The following BIRC6 variants were observed in gnomAD, a reference collection of about 807,000 sequenced individuals.
BIRC6 encodes the protein dual E2 ubiquitin-conjugating enzyme/E3 ubiquitin-protein ligase BIRC6.
BIRC6 carries 98 observed loss-of-function variants against 503.3 expected under a neutral mutation model. The observed-to-expected ratio is 0.19, with a 90% confidence interval of 0.17 to 0.23. The LOEUF (loss-of-function observed/expected upper bound fraction) is 0.23, where lower values mean the gene tolerates loss of function less well. Among genes scored for constraint, BIRC6 ranks in the 10% least tolerant of loss-of-function variants. BIRC6 has a pLI of 1.00. For synonymous variants in BIRC6, 2,240 were observed against 2,078.7 expected (o/e 1.08, Z -2.11); for missense variants, 5,360 against 5,806.0 (o/e 0.92, Z 2.50).
chr2:32,540,301 T>C (rs780703780), intron 61 of BIRC6, among the ~76,000 whole-genome samples: 23 of 152,108 alleles, frequency 1.5e-4, no homozygotes, highest in Non-Finnish European at 2.2e-4. Context: ...TGCTGTGACA[T>C]ATAATGAGTA....
chr2:32,431,515 C>G (rs904008168), intron 12 of BIRC6, among the ~76,000 whole-genome samples: 1 of 151,958 alleles, frequency 6.6e-6, no homozygotes, highest in Admixed American at 6.6e-5. Context: ...TTTAAACTGT[C>G]TAAAAGATAT....
At chr2:32,459,767 C>T (rs114760645) in intron 23 of BIRC6, among the ~76,000 whole-genome samples, 2,940 of 151,550 alleles carry the variant, frequency 0.019, 85 homozygotes, top group African/African-American at 0.069. Context: ...TTGTGGTTTT[C>T]AACATAGTTT....
At chr2:32,584,317 G>A (rs2060884692) in intron 66 of BIRC6, among the ~76,000 whole-genome samples, 1 of 152,046 alleles carries the variant, frequency 6.6e-6, no homozygotes, top group Non-Finnish European at 1.5e-5. Flanking sequence ...ATTAACTGAG[G>A]TCATTAGTTC....
intron 32 of BIRC6, among the ~76,000 whole-genome samples, chr2:32,472,519 A>G (rs2049219065): frequency 6.6e-6 from 1 of 152,228 alleles, no homozygotes; most frequent in South Asian, 2.1e-4. Context: ...CTAAGATTTG[A>G]TAAGTAGGTA....
At chr2:32,463,721 A>C (rs1037235618) in intron 24 of BIRC6, among the ~76,000 whole-genome samples, 1 of 152,238 alleles carries the variant, frequency 6.6e-6, no homozygotes, top group African/African-American at 2.4e-5. Context: ...TAGAACAGTT[A>C]AATTTAATGT....
At position 32,499,927 on chromosome 2, in the gene BIRC6, C is replaced by G; in HGVS notation, c.8849C>G (p.Thr2950Arg). ...GCAAGAGTGTCTGTGACCACAAATA[C>G]AACAGATAGTGTTTCAGATGAAGAA... Reference protein sequence around the residue: ...YSARVSVTTNTTDSVSDEEKV... With the variant: ...YSARVSVTTNRTDSVSDEEKV... Residue 2950 changes from threonine to arginine, a missense_variant, in exon 46 of 74, where the codon ACA becomes AGA. Physicochemically the swap from Thr to Arg is moderately conservative, Grantham distance 71. Coordinates refer to ENST00000421745, the MANE Select transcript of BIRC6 (RefSeq NM_016252.4). 6.2e-7 allele frequency: 1 copy of G among 1,613,996 alleles called. No homozygotes were observed. The highest frequency in any genetic ancestry group is 8.5e-7 in the Non-Finnish European group (1 of 1,179,884).
chr2:32,357,233 C>A lies in BIRC6; in HGVS notation c.72C>A (p.Ser24Arg). Residue 24 changes from serine to arginine, a missense_variant, in exon 1 of 74, where the codon AGC becomes AGA. Ser to Arg is a moderately radical substitution (Grantham distance 110, BLOSUM62 -1). Around this residue, in one of 16 missense-constraint regions of BIRC6, gnomAD observed 145 missense variants for 106.9 expected, o/e 1.36. Coordinates refer to ENST00000421745, the MANE Select transcript of BIRC6 (RefSeq NM_016252.4). The surrounding 1 kb of genome is among the most constrained non-coding windows in gnomAD (Gnocchi z 4.9). ...CGCTTCCCAGTGTGATTGTGCTGAG[C>A]GCAGGCCGGAAGATGGCGGCTGCGG... Reference protein sequence around the residue: ...TEPLPSVIVLSAGRKMAAAAA... With the variant: ...TEPLPSVIVLRAGRKMAAAAA... The A allele has an allele frequency of 6.5e-7, 1 of 1,528,334 alleles. No homozygotes were observed. 94.7% of individuals were successfully genotyped at this position (1,528,334 alleles called of 1,614,324 possible). A position where few individuals can be genotyped will look rare whatever the true frequency, so the allele number is the denominator to read the frequency against.
Position 32,603,091 on chromosome 2 carries a change from A to G in BIRC6, c.14070+8A>G, listed in dbSNP as rs567289310. The G allele has an allele frequency of 3.7e-5, 59 of 1,604,550 alleles. 1 individual carries two copies. The South Asian group carries it at 6.1e-4, about 17-fold the overall frequency. On this transcript the variant is annotated splice_region_variant and intron_variant, in intron 71 of 73. Transcript: ENST00000421745. ...ACCTCAAGCTTTTTGCAAGTAAACA[A>G]AATTTCTCTGACATTTTCACTTAAG...
intron 65 of BIRC6, among the ~76,000 whole-genome samples, chr2:32,553,721 C>T (rs1048507071): frequency 2.0e-5 from 3 of 151,980 alleles, no homozygotes; most frequent in Admixed American, 6.5e-5. Context: ...TAAAAAAAAG[C>T]GTTTGGTGGC....
chr2:32,382,321 GA>G (rs1305505231), intron 3 of BIRC6, among the ~76,000 whole-genome samples: 1 of 152,196 alleles, frequency 6.6e-6, no homozygotes, highest in African/African-American at 2.4e-5. Flanking sequence ...ACCTCTGAGG[GA>G]ACTCTATGAA....
At chr2:32,594,815 G>A (rs1248851640) in intron 67 of BIRC6, among the ~76,000 whole-genome samples, 1 of 152,120 alleles carries the variant, frequency 6.6e-6, no homozygotes, top group Admixed American at 6.6e-5. Flanking sequence ...TCATAAAGAT[G>A]ATTATGTTTT....
At position 32,553,197 on chromosome 2, in the gene BIRC6, C is replaced by CAAAAAAAAAAAAAAAAAAA. The variant is rs763552918; in HGVS notation, c.13144+3735_13144+3753dup. On this transcript the variant is annotated intron_variant, in intron 65 of 73. Coordinates refer to ENST00000421745, the MANE Select transcript of BIRC6 (RefSeq NM_016252.4). Reference sequence around the variant, plus strand: ...GGGTGACAAGAGTGAAACTCTGTCTCAAAAAAAAAAAAAAAAAAAAAAAAA... The same window carrying CAAAAAAAAAAAAAAAAAAA: ...GGGTGACAAGAGTGAAACTCTGTCTCAAAAAAAAAAAAAAAAAAAAAAAAAAAAAAAAAAAAAAAAAAAA... Among the ~76,000 whole-genome samples, 12 of 34,950 alleles carry CAAAAAAAAAAAAAAAAAAA rather than the reference C, an allele frequency of 3.4e-4. 1 individual carries two copies. The highest frequency in any genetic ancestry group is 3.9e-4 in the Non-Finnish European group (8 of 20,582). 22.9% of individuals were successfully genotyped at this position (34,950 alleles called of 152,430 possible).
In BIRC6 at chr2:32,602,996, C is replaced by T. The variant is rs200244106; in HGVS notation, c.13993-10C>T. ...TTTTCAATTCTGTTTATGCTTTTTT[C>T]GTTCGTCAGGTTTGTTTAAGCATCT... On this transcript the variant is annotated splice_polypyrimidine_tract_variant and intron_variant, in intron 70 of 73. Coordinates refer to ENST00000421745, the MANE Select transcript of BIRC6 (RefSeq NM_016252.4). The T allele has an allele frequency of 3.6e-4, 576 of 1,594,800 alleles. 1 individual carries two copies. The highest frequency in any genetic ancestry group is 2.6e-4 in the Non-Finnish European group (305 of 1,173,662).
intron 65 of BIRC6, among the ~76,000 whole-genome samples, chr2:32,551,879 A>G (rs974059469): frequency 1.3e-5 from 2 of 152,182 alleles, no homozygotes; most frequent in African/African-American, 4.8e-5. Context: ...TTTATAGAAT[A>G]TTCTACAGAT....
chr2:32,473,146 C>A lies in BIRC6; in HGVS notation c.6627C>A (p.His2209Gln). The change falls in exon 33 of 74, where the codon CAC becomes CAA. Residue 2209 changes from histidine (H) to glutamine (Q), a missense_variant. Physicochemically the swap from His to Gln is conservative, Grantham distance 24. Coordinates refer to ENST00000421745, the MANE Select transcript of BIRC6 (RefSeq NM_016252.4). ...NQWSFINNNL[H>Q]TQSLNRSSKG... The stretch of plus-strand genomic sequence containing the variant: ...GGAGTTTTATTAACAATAATCTACA[C>A]ACTCAGAGCTTAAATAGATCTTCTA... 1.3e-6 allele frequency: 2 copies of A among 1,580,566 alleles called. No individual in the cohort carries two copies. Among genetic ancestry groups the A allele is most frequent in the Non-Finnish European group, 1.7e-6 (2 of 1,160,622 alleles).
At chr2:32,386,402 C>T (rs964344085) in intron 3 of BIRC6, among the ~76,000 whole-genome samples, 5 of 151,612 alleles carry the variant, frequency 3.3e-5, no homozygotes, top group Admixed American at 2.0e-4. Context: ...GTAAAGGGGA[C>T]GAGGTCATTT....
At chr2:32,358,035 G>A (rs1483326464) in intron 1 of BIRC6, among the ~76,000 whole-genome samples, 2 of 93,086 alleles carry the variant, frequency 2.1e-5, no homozygotes, top group Non-Finnish European at 4.4e-5. Flanking sequence ...GTGGGGGTGG[G>A]GGTGGGGTGG....
At chr2:32,611,691 A>G (rs1180892706) in intron 73 of BIRC6, 109 bp downstream of exon 73, 7 of 1,121,976 alleles carry the variant, frequency 6.2e-6, no homozygotes, top group Non-Finnish European at 8.3e-6. Context: ...AAGAAACATA[A>G]TATGTATTTT....
intron 19 of BIRC6, among the ~76,000 whole-genome samples, chr2:32,443,142 A>C (rs907526979): frequency 1.3e-5 from 2 of 152,214 alleles, no homozygotes; most frequent in African/African-American, 4.8e-5. Flanking sequence ...CTGTGTTTAG[A>C]CTGCACTTGA....
Sources: gnomAD v4.1 joint callset for allele counts (sites outside exome capture counted in the v4.1 genomes callset) on GRCh38, gnomAD v4.1.1 for gene constraint, gnomAD v4.1.1 regional missense constraint, Gnocchi (gnomAD v3.1) non-coding constraint, MANE v1.5 for transcripts, NCBI Gene and HGNC (gene_info 2026-07-23, HGNC 2026-07-21) for gene names.